ATRNL1: variants seen among roughly 807,000 people sequenced by gnomAD.
ATRNL1 encodes the protein attractin-like protein 1.
Under a neutral mutation model 182.7 loss-of-function variants are expected in ATRNL1, and 95 were observed. The observed-to-expected ratio is 0.52, with a 90% CI of 0.44 to 0.62. The LOEUF is 0.62. Ranked by LOEUF, ATRNL1 falls within the 20% of genes least tolerant of loss-of-function variation. ATRNL1 has a pLI of 0.00. For synonymous variants in ATRNL1, 576 were observed against 568.3 expected (o/e 1.01, Z -0.19); for missense variants, 1,471 against 1,679.5 (o/e 0.88, Z 2.17).
intron 19 of ATRNL1, among the ~76,000 whole-genome samples, chr10:115,367,785 G>C (rs1318805854): frequency 6.6e-5 from 5 of 76,078 alleles, no homozygotes; most frequent in Non-Finnish European, 1.7e-4. Flanking sequence ...GCTGTGTGAG[G>C]TGTCAAGTGT....
intron 9 of ATRNL1, among the ~76,000 whole-genome samples, chr10:115,223,620 A>C (rs1273976406): frequency 6.6e-6 from 1 of 151,954 alleles, no homozygotes; most frequent in African/African-American, 2.4e-5. Flanking sequence ...GACAATGAAC[A>C]ATTTTGTCTC....
intron 26 of ATRNL1, among the ~76,000 whole-genome samples, chr10:115,630,194 G>A (rs1291338433): frequency 1.3e-5 from 2 of 151,848 alleles, no homozygotes; most frequent in Admixed American, 1.3e-4. Context: ...ATTTAAAAAT[G>A]GACAAAAGAC....
chr10:115,939,275 C>G (rs1386728791), intron 28 of ATRNL1, among the ~76,000 whole-genome samples: 2 of 152,110 alleles, frequency 1.3e-5, no homozygotes, highest in Non-Finnish European at 2.9e-5. Flanking sequence ...CTTGTCCTGC[C>G]CTAGGTGAAC....
chr10:115,415,215 A>G (rs1554960647), intron 20 of ATRNL1, among the ~76,000 whole-genome samples: 1 of 152,048 alleles, frequency 6.6e-6, no homozygotes, highest in African/African-American at 2.4e-5. Context: ...ATTGCTATGC[A>G]TCTGAAATTT....
intron 26 of ATRNL1, among the ~76,000 whole-genome samples, chr10:115,571,055 A>C (rs548802539): frequency 6.6e-6 from 1 of 152,304 alleles, no homozygotes; most frequent in Admixed American, 6.5e-5. Context: ...ACCCCCATTA[A>C]CTAAGAGTTC....
intron 25 of ATRNL1, among the ~76,000 whole-genome samples, chr10:115,519,559 G>C (rs1193607114): frequency 6.6e-6 from 1 of 152,138 alleles, no homozygotes; most frequent in Non-Finnish European, 1.5e-5. Flanking sequence ...TCAGTGGAAA[G>C]AGGATAACTT....
intron 26 of ATRNL1, among the ~76,000 whole-genome samples, chr10:115,614,131 A>G (rs563569100): frequency 6.6e-6 from 1 of 151,966 alleles, no homozygotes; most frequent in Non-Finnish European, 1.5e-5. Flanking sequence ...TTTAATTAAA[A>G]TCTTTCTACT....
intron 28 of ATRNL1, among the ~76,000 whole-genome samples, chr10:115,923,550 C>T (rs1407110242): frequency 6.6e-6 from 1 of 152,094 alleles, no homozygotes; most frequent in African/African-American, 2.4e-5. Context: ...AGGATGATGG[C>T]TTCCACCTCC....
In ATRNL1 at chr10:115,947,833, A is replaced by G. The variant is rs1953909566; in HGVS notation, c.*3054A>G. 2 of 152,158 alleles carry G rather than the reference A, an allele frequency of 1.3e-5. No individual in the cohort carries two copies. Among genetic ancestry groups the G allele is most frequent in the Non-Finnish European group, 2.9e-5 (2 of 68,042 alleles). The allele number at this position is 152,158 out of a possible 1,614,324, so 9.4% of individuals were successfully genotyped here. A position where few individuals can be genotyped will look rare whatever the true frequency, so the allele number is the denominator to read the frequency against. On this transcript the variant is annotated 3_prime_UTR_variant, in exon 29 of 29. Transcript: ENST00000355044. Reference sequence around the variant, plus strand: ...GCTTTCAGGTGTGTGGTGCTGGGTAAGTTTCACCTTTGAAGCCTCAGCCTT... The same window carrying G: ...GCTTTCAGGTGTGTGGTGCTGGGTAGGTTTCACCTTTGAAGCCTCAGCCTT...
chr10:115,645,539 T>G (rs1555031982), intron 26 of ATRNL1, among the ~76,000 whole-genome samples: 1 of 150,022 alleles, frequency 6.7e-6, no homozygotes, highest in East Asian at 1.9e-4. Context: ...TCTGGATATT[T>G]CTCCTTTTTT....
chr10:115,640,234 A>G (rs1418088391), intron 26 of ATRNL1, among the ~76,000 whole-genome samples: 2 of 152,202 alleles, frequency 1.3e-5, no homozygotes, highest in Non-Finnish European at 2.9e-5. Context: ...TGCAATAAAC[A>G]TATATGTGCA....
intron 27 of ATRNL1, among the ~76,000 whole-genome samples, chr10:115,738,852 T>C (rs1263441798): frequency 1.3e-5 from 2 of 152,098 alleles, no homozygotes; most frequent in Non-Finnish European, 2.9e-5. Flanking sequence ...GTCATTTGTT[T>C]ACAGTTTAAA....
intron 1 of ATRNL1, among the ~76,000 whole-genome samples, chr10:115,100,410 A>G (rs1005191620): frequency 6.6e-6 from 1 of 151,780 alleles, no homozygotes; most frequent in African/African-American, 2.4e-5. Flanking sequence ...ATTTATATTT[A>G]TGGTCCATTT....
chr10:115,688,220 G>T (rs1267414814), intron 26 of ATRNL1, among the ~76,000 whole-genome samples: 1 of 151,900 alleles, frequency 6.6e-6, no homozygotes, highest in African/African-American at 2.4e-5. Flanking sequence ...TTCATCCATC[G>T]ATGAGCATGT....
At chr10:115,345,064 T>C (rs1855915733) in intron 19 of ATRNL1, among the ~76,000 whole-genome samples, 1 of 152,150 alleles carries the variant, frequency 6.6e-6, no homozygotes, top group Non-Finnish European at 1.5e-5. Context: ...CAGTCTGGGG[T>C]TAGAGGAGAG....
chr10:115,246,216 A>G lies in ATRNL1; in HGVS notation c.1687+4491A>G, dbSNP rs534656259. On this transcript the variant is annotated intron_variant, in intron 10 of 28. Transcript: ENST00000355044. ...ATAGAAGAAGACACTGTGATTTACC[A>G]TGGTTAAACCCAAACTCACACAGGC... Among the ~76,000 whole-genome samples, 5 of 152,256 alleles carry G rather than the reference A, an allele frequency of 3.3e-5. No individual in the cohort carries two copies. In the East Asian group the frequency reaches 5.8e-4, roughly 18 times the overall value.
At chr10:115,896,664 A>G (rs1952216240) in intron 28 of ATRNL1, among the ~76,000 whole-genome samples, 2 of 152,182 alleles carry the variant, frequency 1.3e-5, no homozygotes, top group African/African-American at 4.8e-5. Context: ...GAAAAAGAAT[A>G]CAGAAATAGA....
chr10:115,537,683 G>T (rs1004364926), intron 25 of ATRNL1, among the ~76,000 whole-genome samples: 1 of 127,648 alleles, frequency 7.8e-6, no homozygotes, highest in Non-Finnish European at 1.7e-5. Flanking sequence ...TTTTTTTCCA[G>T]CATTTTTTTG....
At chr10:115,853,952 T>C (rs1951116662) in intron 28 of ATRNL1, among the ~76,000 whole-genome samples, 1 of 152,186 alleles carries the variant, frequency 6.6e-6, no homozygotes, top group African/African-American at 2.4e-5. Context: ...GTATCCAAAA[T>C]ACAGTTATTG....
Sources: allele counts gnomAD v4.1 joint callset (sites outside exome capture counted in the v4.1 genomes callset), GRCh38; gene constraint gnomAD v4.1.1; transcripts MANE v1.5; gene names NCBI Gene and HGNC (gene_info 2026-07-23, HGNC 2026-07-21).